MEGF10: variants seen among roughly 807,000 people sequenced by gnomAD.
The protein encoded by MEGF10 is multiple epidermal growth factor-like domains protein 10.
MEGF10 carries 86 observed loss-of-function variants against 147.5 expected under a neutral mutation model. The observed-to-expected ratio is 0.58, with a 90% CI of 0.49 to 0.70. The LOEUF is 0.70. Ranked by LOEUF, MEGF10 falls within the 30% of genes least tolerant of loss-of-function variation. The probability of loss-of-function intolerance (pLI) is 0.00; values close to 1 mark genes in which losing one functional copy is unlikely to be tolerated. For missense variants in MEGF10, 1,329 were observed against 1,487.3 expected (o/e 0.89, Z 1.75); for synonymous variants, 478 against 525.5 (o/e 0.91, Z 1.24).
intron 13 of MEGF10, 87 bp downstream of exon 13, chr5:127,422,859 C>G: frequency 1.1e-6 from 1 of 944,172 alleles, no homozygotes; most frequent in East Asian, 2.6e-5. Context: ...GAAACACACA[C>G]CAGTCAACTT....
intron 4 of MEGF10, among the ~76,000 whole-genome samples, chr5:127,366,172 T>A (rs1407519436): frequency 6.6e-6 from 1 of 152,090 alleles, no homozygotes; most frequent in East Asian, 1.9e-4. Context: ...GGTGTGGGCG[T>A]CTGTGTCATG....
At chr5:127,286,886 G>T (rs944111013), upstream of MEGF10, among the ~76,000 whole-genome samples, 6 of 151,758 alleles carry the variant, frequency 4.0e-5, no homozygotes, top group Non-Finnish European at 7.4e-5. Context: ...AATGAGTATA[G>T]ACACAAATAT....
chr5:127,386,460 G>A (rs758643995), intron 5 of MEGF10, among the ~76,000 whole-genome samples: 56 of 152,116 alleles, frequency 3.7e-4, no homozygotes, highest in South Asian at 1.9e-3. Context: ...TCATATTTCC[G>A]GACCCCATAT....
chr5:127,457,186 T>A lies in MEGF10; in HGVS notation c.3291T>A (p.Asp1097Glu). Residue 1097 changes from aspartate (D) to glutamate (E), a missense_variant, in exon 25 of 25, where the codon GAT (aspartate) becomes GAA (glutamate). Transcript: ENST00000503335. ...GCAATAATGGGCGTCTCTCCCAGGA[T>A]CCATATGACCTCCCAAAGAACAGTC... The part of the protein sequence containing the change: ...VFSNNGRLSQ[D>E]PYDLPKNSHI... 1 of 1,614,120 alleles carries A rather than the reference T, an allele frequency of 6.2e-7. No homozygotes were observed. Among genetic ancestry groups the A allele is most frequent in the Non-Finnish European group, 8.5e-7 (1 of 1,180,000 alleles).
At chr5:127,270,147 A>G in the MEGF10 span, among the ~76,000 whole-genome samples, 80 of 152,350 alleles carry the variant, frequency 5.3e-4, 1 homozygote, top group African/African-American at 1.9e-3. Flanking sequence ...TGTAAAGACC[A>G]TCGATGCTGG....
chr5:127,400,158 G>A (rs1317532702), intron 7 of MEGF10, among the ~76,000 whole-genome samples: 2 of 152,194 alleles, frequency 1.3e-5, no homozygotes, highest in Non-Finnish European at 2.9e-5. Flanking sequence ...ACTGGGACAA[G>A]TATACAATAA....
the MEGF10 span, among the ~76,000 whole-genome samples, chr5:127,242,174 T>C: frequency 1.3e-5 from 2 of 152,330 alleles, no homozygotes; most frequent in Middle Eastern, 3.4e-3. Flanking sequence ...AGGCAGCTTA[T>C]GTAGAAAGCC....
intron 1 of MEGF10, among the ~76,000 whole-genome samples, chr5:127,293,531 G>A (rs1759358510): frequency 6.6e-6 from 1 of 152,204 alleles, no homozygotes; most frequent in Admixed American, 6.5e-5. Context: ...TCTGTGAGTT[G>A]TGAGAAGTCT....
intron 1 of MEGF10, among the ~76,000 whole-genome samples, chr5:127,327,801 G>A (rs1047017815): frequency 6.1e-5 from 9 of 148,554 alleles, no homozygotes; most frequent in South Asian, 2.1e-4. Context: ...TGCAGCCTCC[G>A]CCTCCCAGGT....
chr5:127,337,079 T>G (rs1761499270), intron 2 of MEGF10, among the ~76,000 whole-genome samples: 1 of 152,098 alleles, frequency 6.6e-6, no homozygotes, highest in South Asian at 2.1e-4. Flanking sequence ...AGGACGGCCA[T>G]ACAGAAAACA....
chr5:127,435,618 C>T (rs536721643), intron 16 of MEGF10, 129 bp downstream of exon 16: 2 of 896,014 alleles, frequency 2.2e-6, no homozygotes, highest in East Asian at 3.3e-5. Context: ...ACACATTCTA[C>T]TTTAAATTCT....
chr5:127,373,651 A>G (rs1762924936), intron 5 of MEGF10, among the ~76,000 whole-genome samples: 1 of 152,216 alleles, frequency 6.6e-6, no homozygotes, highest in African/African-American at 2.4e-5. Context: ...GGTCATTGCT[A>G]CTGCAACACA....
At chr5:127,409,403 T>C (rs1764465264) in intron 8 of MEGF10, among the ~76,000 whole-genome samples, 1 of 152,218 alleles carries the variant, frequency 6.6e-6, no homozygotes, top group Non-Finnish European at 1.5e-5. Flanking sequence ...AAGCCCTGTC[T>C]CCTTCCCTTG....
At chr5:127,264,062 T>C in the MEGF10 span, among the ~76,000 whole-genome samples, 1 of 152,160 alleles carries the variant, frequency 6.6e-6, no homozygotes, top group African/African-American at 2.4e-5. Flanking sequence ...AGGGAAACTT[T>C]CCATTACCAG....
chr5:127,354,648 G>A (rs893255742), intron 4 of MEGF10, among the ~76,000 whole-genome samples: 1 of 152,198 alleles, frequency 6.6e-6, no homozygotes, highest in African/African-American at 2.4e-5. Context: ...GAATCATGGA[G>A]ATAGCAACCG....
chr5:127,231,471 C>T, the MEGF10 span, among the ~76,000 whole-genome samples: 2 of 152,330 alleles, frequency 1.3e-5, no homozygotes, highest in East Asian at 3.9e-4. Context: ...GCTTAAATGG[C>T]AGAAAAGCCT....
At position 127,457,133 on chromosome 5, in the gene MEGF10, A is replaced by G; in HGVS notation, c.3238A>G (p.Thr1080Ala). 6.2e-7 allele frequency: 1 copy of G among 1,611,550 alleles called. No homozygotes were observed. Among genetic ancestry groups the G allele is most frequent in the South Asian group, 1.1e-5 (1 of 90,280 alleles). ...ANRNVYEVEP[T>A]VSVVQGVFSN... ...TATGTCCTTGGTTATCACAGAACCT[A>G]CAGTGAGTGTTGTCCAAGGAGTATT... The change falls in exon 25 of 25, where the codon ACA becomes GCA. Residue 1080 changes from threonine (T) to alanine (A), a missense_variant. Physicochemically the swap from Thr to Ala is moderately conservative, Grantham distance 58. Transcript: ENST00000503335.
chr5:127,274,922 C>A, the MEGF10 span, among the ~76,000 whole-genome samples: 1 of 152,006 alleles, frequency 6.6e-6, no homozygotes, highest in East Asian at 1.9e-4. Flanking sequence ...TCTCATTTTT[C>A]TGGTCATGTG....
At chr5:127,406,065 C>A (rs2126942078) in intron 8 of MEGF10, among the ~76,000 whole-genome samples, 1 of 152,142 alleles carries the variant, frequency 6.6e-6, no homozygotes, top group Non-Finnish European at 1.5e-5. Flanking sequence ...GACACAAGAC[C>A]AAGCACTATC....
Sources: allele counts gnomAD v4.1 joint callset (sites outside exome capture counted in the v4.1 genomes callset), GRCh38; gene constraint gnomAD v4.1.1; transcripts MANE v1.5; gene names NCBI Gene and HGNC (gene_info 2026-07-23, HGNC 2026-07-21).